TEX26: variants seen among roughly 807,000 people sequenced by gnomAD.
TEX26 encodes the protein testis-expressed protein 26.
Under a neutral mutation model 35.3 loss-of-function variants are expected in TEX26, and 34 were observed. That is an observed-to-expected ratio of 0.96 (90% CI 0.73 to 1.28). The LOEUF is 1.28. TEX26 is among the 50% of genes most tolerant of loss of function. The pLI is 0.00. For missense variants in TEX26, 371 were observed against 330.1 expected (o/e 1.12, Z -0.96); for synonymous variants, 136 against 111.8 (o/e 1.22, Z -1.36).
At chr13:30,967,783 C>A (rs2138336273) in intron 5 of TEX26, among the ~76,000 whole-genome samples, 1 of 152,282 alleles carries the variant, frequency 6.6e-6, no homozygotes, top group South Asian at 2.1e-4. Context: ...AATATTAGAA[C>A]TCACATTAAA....
chr13:30,949,835 A>T (rs1262500898), intron 2 of TEX26, among the ~76,000 whole-genome samples: 1 of 152,174 alleles, frequency 6.6e-6, no homozygotes, highest in Admixed American at 6.5e-5. Flanking sequence ...TATTAATTTC[A>T]TCAGACATCA....
intron 4 of TEX26, among the ~76,000 whole-genome samples, chr13:30,964,910 C>A (rs187528648): frequency 6.6e-6 from 1 of 152,316 alleles, no homozygotes; most frequent in East Asian, 1.9e-4. Flanking sequence ...ATGACCCAAA[C>A]ACCTCCCATT....
At chr13:30,962,052 C>T (rs559984540) in intron 4 of TEX26, among the ~76,000 whole-genome samples, 270 of 152,212 alleles carry the variant, frequency 1.8e-3, no homozygotes, top group African/African-American at 6.1e-3. Flanking sequence ...CTCCTTCCCC[C>T]GGCAGCCGAT....
chr13:30,965,332 T>C (rs1287201009), intron 4 of TEX26, among the ~76,000 whole-genome samples: 1 of 152,230 alleles, frequency 6.6e-6, no homozygotes, highest in Non-Finnish European at 1.5e-5. Flanking sequence ...TTATAAATCG[T>C]TTGATACATA....
intron 1 of TEX26, among the ~76,000 whole-genome samples, chr13:30,938,510 G>T (rs1419862003): frequency 2.6e-5 from 4 of 152,086 alleles, no homozygotes; most frequent in African/African-American, 9.7e-5. Flanking sequence ...GCTAGCCCAG[G>T]TCTCTCATCC....
intron 4 of TEX26, 58 bp downstream of exon 4, chr13:30,957,087 G>C: frequency 6.5e-7 from 1 of 1,548,804 alleles, no homozygotes; most frequent in Non-Finnish European, 8.8e-7. Flanking sequence ...TGGAGTTGCA[G>C]TGGTCGGCAG....
At chr13:30,957,224 A>G (rs1341548914) in intron 4 of TEX26, among the ~76,000 whole-genome samples, 195 bp downstream of exon 4, 1 of 152,164 alleles carries the variant, frequency 6.6e-6, no homozygotes, top group Non-Finnish European at 1.5e-5. Flanking sequence ...GTGGGCATAC[A>G]GGAAGACATC....
intron 2 of TEX26, among the ~76,000 whole-genome samples, chr13:30,947,542 A>G (rs1260961756): frequency 6.6e-6 from 1 of 152,134 alleles, no homozygotes; most frequent in Admixed American, 6.6e-5. Flanking sequence ...AAAGCTATTA[A>G]TAAGATGATT....
chr13:30,956,416 T>G (rs539448036), intron 3 of TEX26, among the ~76,000 whole-genome samples: 96 of 152,206 alleles, frequency 6.3e-4, no homozygotes, highest in African/African-American at 2.2e-3. Context: ...AGTCTATCAT[T>G]GTTGGACATT....
At chr13:30,938,974 T>C (rs1953375233) in intron 1 of TEX26, among the ~76,000 whole-genome samples, 1 of 152,232 alleles carries the variant, frequency 6.6e-6, no homozygotes, top group South Asian at 2.1e-4. Flanking sequence ...CACAGAATTT[T>C]GCACAACCAT....
intron 2 of TEX26, among the ~76,000 whole-genome samples, chr13:30,943,870 G>A (rs1375281501): frequency 1.3e-5 from 2 of 151,880 alleles, no homozygotes; most frequent in African/African-American, 4.8e-5. Flanking sequence ...TTAGTATTTT[G>A]TTGAGGATTT....
At chr13:30,954,909 G>A (rs1262326032) in intron 3 of TEX26, among the ~76,000 whole-genome samples, 1 of 152,174 alleles carries the variant, frequency 6.6e-6, no homozygotes, top group Admixed American at 6.5e-5. Context: ...ACCAATGAGA[G>A]CTAGTGTGGC....
At chr13:30,940,651 G>C (rs1003655844) in intron 2 of TEX26, among the ~76,000 whole-genome samples, 47 of 152,052 alleles carry the variant, frequency 3.1e-4, no homozygotes, top group African/African-American at 9.4e-4. Context: ...ATCTTTTACT[G>C]TGTCACTGGT....
Position 30,935,522 on chromosome 13 carries a change from G to A in TEX26, c.61+2746G>A, listed in dbSNP as rs142689610. On this transcript the variant is annotated intron_variant, in intron 1 of 6. Transcript: ENST00000380473. ...GCAGGGAGAGACAAGGGAACCCCCC[G>A]CTGTAGAGGAGTATGCTCTCTGCTG... Among the ~76,000 whole-genome samples, 26 of 152,354 alleles carry A rather than the reference G, an allele frequency of 1.7e-4. 2 individuals carry two copies. In the East Asian group the frequency reaches 1.9e-3, roughly 11 times the overall value.
chr13:30,948,056 A>G (rs925133928), intron 2 of TEX26, among the ~76,000 whole-genome samples: 1 of 152,192 alleles, frequency 6.6e-6, no homozygotes, highest in East Asian at 1.9e-4. Context: ...CTGTCCCTAC[A>G]AATGACATGA....
chr13:30,973,703 A>G lies in TEX26; in HGVS notation c.809-1143A>G, dbSNP rs74046412. On this transcript the variant is annotated intron_variant, in intron 6 of 6. Coordinates refer to ENST00000380473, the MANE Select transcript of TEX26 (RefSeq NM_152325.3). ...AGACATCCCTGATCTATGGGCCTCC[A>G]CTGGCATTTGTGACATTGAGCAGGA... Among the ~76,000 whole-genome samples, 23 of 152,298 alleles carry G rather than the reference A, an allele frequency of 1.5e-4. 1 individual carries two copies. Among genetic ancestry groups the G allele is most frequent in the African/African-American group, 5.3e-4 (22 of 41,560 alleles).
In TEX26 at chr13:30,938,520, C is replaced by T. The variant is rs1027792062; in HGVS notation, c.62-1174C>T. ...AATGTGCTAGCCCAGGTCTCTCATCCTCTTTTTATAAAGCCACCAGTCCCA... is the reference window on the plus strand; with the variant it reads ...AATGTGCTAGCCCAGGTCTCTCATCTTCTTTTTATAAAGCCACCAGTCCCA... On this transcript the variant is annotated intron_variant, in intron 1 of 6. Transcript: ENST00000380473. Among the ~76,000 whole-genome samples, 6 of 152,258 alleles carry T rather than the reference C, an allele frequency of 3.9e-5. No individual in the cohort carries two copies. In the South Asian group the frequency reaches 1.2e-3, roughly 32 times the overall value.
intron 4 of TEX26, among the ~76,000 whole-genome samples, chr13:30,963,035 AG>A (rs1954405171): frequency 6.6e-6 from 1 of 150,796 alleles, no homozygotes; most frequent in African/African-American, 2.5e-5. Context: ...TCTCAGTGTT[AG>A]CCAGGATGGT....
Position 30,945,650 on chromosome 13 carries a change from A to C in TEX26, c.146+5872A>C, listed in dbSNP as rs191942443. On this transcript the variant is annotated intron_variant, in intron 2 of 6. Coordinates refer to ENST00000380473, the MANE Select transcript of TEX26 (RefSeq NM_152325.3). ...TGGTCTGGTAGTGACAAATTCCCTC[A>C]GCATTTGTTTGTCTGAAAATGACTT... Among the ~76,000 whole-genome samples, 30 of 152,070 alleles carry C rather than the reference A, an allele frequency of 2.0e-4. No individual in the cohort carries two copies. In the East Asian group the frequency reaches 5.4e-3, roughly 27 times the overall value.
Sources: gnomAD v4.1 joint callset for allele counts (sites outside exome capture counted in the v4.1 genomes callset) on GRCh38, gnomAD v4.1.1 for gene constraint, MANE v1.5 for transcripts, NCBI Gene and HGNC (gene_info 2026-07-23, HGNC 2026-07-21) for gene names.